SNX14: variants seen among roughly 807,000 people sequenced by gnomAD.
SNX14 encodes sorting nexin-14.
A neutral mutation model predicts 133.8 loss-of-function variants in SNX14; 93 were observed. The observed-to-expected ratio is 0.70, with a 90% CI of 0.59 to 0.83. SNX14 has a LOEUF of 0.83. Ranked by LOEUF, SNX14 falls within the 40% of genes least tolerant of loss-of-function variation. The pLI is 0.00. For missense variants in SNX14, 945 were observed against 1,094.9 expected (o/e 0.86, Z 1.93); for synonymous variants, 368 against 365.6 (o/e 1.01, Z -0.07).
At chr6:85,513,771 G>T in intron 26 of SNX14, 29 bp downstream of exon 26, 1 of 1,527,594 alleles carries the variant, frequency 6.5e-7, no homozygotes, top group East Asian at 2.3e-5. Flanking sequence ...TAATCTATAT[G>T]AAATTAAGTT....
chr6:85,559,531 T>C (rs1243115000), intron 6 of SNX14, among the ~76,000 whole-genome samples: 1 of 152,222 alleles, frequency 6.6e-6, no homozygotes, highest in Non-Finnish European at 1.5e-5. Flanking sequence ...ACTTCCAATT[T>C]ACATTATGCA....
At chr6:85,519,867 C>CA (rs1776243219) in intron 21 of SNX14, among the ~76,000 whole-genome samples, 2 of 151,232 alleles carry the variant, frequency 1.3e-5, no homozygotes, top group African/African-American at 2.4e-5. Context: ...GACTCCGTCT[C>CA]AAAAAACAAA....
At chr6:85,575,564 A>G (rs968045123) in intron 1 of SNX14, among the ~76,000 whole-genome samples, 1 of 152,226 alleles carries the variant, frequency 6.6e-6, no homozygotes, top group African/African-American at 2.4e-5. Flanking sequence ...TTGGCCCACA[A>G]ATATTAAAGA....
At chr6:85,571,201 A>G (rs1795435330) in intron 4 of SNX14, among the ~76,000 whole-genome samples, 1 of 151,906 alleles carries the variant, frequency 6.6e-6, no homozygotes, top group Non-Finnish European at 1.5e-5. Context: ...AAATGACAAA[A>G]GAAAAAAAAT....
At chr6:85,588,798 A>G (rs1472355124) in intron 1 of SNX14, 14 of 448,540 alleles carry the variant, frequency 3.1e-5, no homozygotes, top group Middle Eastern at 7.0e-4. Context: ...TATTCTTACA[A>G]TGATGTAAGC....
chr6:85,550,021 C>G, intron 7 of SNX14, 142 bp from the exon 8 acceptor site: 1 of 645,156 alleles, frequency 1.6e-6, no homozygotes. Context: ...CCGAGGCAGG[C>G]AAATCGCTTG....
intron 1 of SNX14, among the ~76,000 whole-genome samples, chr6:85,592,066 A>C (rs1268261272): frequency 6.6e-6 from 1 of 152,204 alleles, no homozygotes; most frequent in East Asian, 1.9e-4. Flanking sequence ...TTTCATACTA[A>C]ACCTGTTAGT....
At chr6:85,520,588 G>A (rs1776561648) in intron 21 of SNX14, among the ~76,000 whole-genome samples, 2 of 150,826 alleles carry the variant, frequency 1.3e-5, no homozygotes, top group East Asian at 2.0e-4. Context: ...GAACTTCTAA[G>A]TTCAAGTGAT....
At position 85,538,458 on chromosome 6, in the gene SNX14, T is replaced by C. The variant is rs533802699; in HGVS notation, c.1475+380A>G. Among the ~76,000 whole-genome samples the C allele has an allele frequency of 2.1e-3, 325 of 152,240 alleles. 1 individual carries two copies. Among genetic ancestry groups the C allele is most frequent in the Non-Finnish European group, 3.2e-3 (217 of 67,964 alleles). ...TAAAAACTCTCACTTATGATTATTA[T>C]GCCCAGAAATACAGAAACATCATAC... is the stretch of plus-strand genomic sequence containing the variant. On this transcript the variant is annotated intron_variant, in intron 16 of 28. Coordinates refer to ENST00000314673, the MANE Select transcript of SNX14 (RefSeq NM_153816.6).
chr6:85,538,133 C>T (rs1289522035), intron 16 of SNX14, among the ~76,000 whole-genome samples: 3 of 152,008 alleles, frequency 2.0e-5, no homozygotes, highest in Non-Finnish European at 4.4e-5. Context: ...TTCAAATACA[C>T]CAATATGTAG....
At chr6:85,590,015 T>G (rs1267673495) in intron 1 of SNX14, among the ~76,000 whole-genome samples, 1 of 152,218 alleles carries the variant, frequency 6.6e-6, no homozygotes, top group Admixed American at 6.5e-5. Context: ...GCTTCGATGT[T>G]GAACTCATGG....
chr6:85,542,824 T>C (rs1282626558), intron 14 of SNX14, among the ~76,000 whole-genome samples: 1 of 152,206 alleles, frequency 6.6e-6, no homozygotes, highest in African/African-American at 2.4e-5. Flanking sequence ...TGAGTTGTAG[T>C]GGTGTGATCT....
chr6:85,584,663 G>A (rs1488832275), intron 1 of SNX14, among the ~76,000 whole-genome samples: 2 of 152,082 alleles, frequency 1.3e-5, no homozygotes, highest in Non-Finnish European at 1.5e-5. Context: ...CATCATCACG[G>A]GTCATTAGAG....
intron 6 of SNX14, among the ~76,000 whole-genome samples, chr6:85,560,365 T>C (rs1791133386): frequency 6.6e-6 from 1 of 152,056 alleles, no homozygotes; most frequent in South Asian, 2.1e-4. Flanking sequence ...TTATGCTGAG[T>C]AAAAGAAACC....
intron 15 of SNX14, among the ~76,000 whole-genome samples, chr6:85,539,976 T>TTTTATTTTAC (rs1162122928): frequency 4.1e-5 from 6 of 147,074 alleles, no homozygotes; most frequent in African/African-American, 1.6e-4. Context: ...TTTTATTTTA[T>TTTTATTTTAC]TTTAATTGAG....
At chr6:85,517,205 T>C (rs1430094048) in intron 23 of SNX14, among the ~76,000 whole-genome samples, 2 of 152,194 alleles carry the variant, frequency 1.3e-5, no homozygotes, top group African/African-American at 4.8e-5. Flanking sequence ...ATATTAAAGA[T>C]ACCATTCAGA....
At chr6:85,564,688 A>C (rs1459074211) in intron 6 of SNX14, among the ~76,000 whole-genome samples, 1 of 152,126 alleles carries the variant, frequency 6.6e-6, no homozygotes, top group East Asian at 1.9e-4. Context: ...GGTATAGGAT[A>C]AAGTAAAAAT....
intron 26 of SNX14, among the ~76,000 whole-genome samples, chr6:85,512,400 T>C (rs1016730514): frequency 6.6e-6 from 1 of 151,966 alleles, no homozygotes; most frequent in African/African-American, 2.4e-5. Flanking sequence ...GGCGGGTGGA[T>C]CACCTGAGGT....
In SNX14 at chr6:85,526,326, C is replaced by A. The variant is rs1778470109; in HGVS notation, c.1996-89G>T. ...TTTTAATTTCTTTAAATTTTAAATC[C>A]CCAAAAGCTACTTTATATTTAAAAT... On this transcript the variant is annotated intron_variant, in intron 20 of 28. Transcript: ENST00000314673. 11 of 773,416 alleles carry A rather than the reference C, an allele frequency of 1.4e-5. No individual in the cohort carries two copies. In the South Asian group the frequency reaches 1.9e-4, roughly 13 times the overall value. The allele number at this position is 773,416 out of a possible 1,614,324, so 47.9% of individuals were successfully genotyped here.
Sources: allele counts gnomAD v4.1 joint callset (sites outside exome capture counted in the v4.1 genomes callset), GRCh38; gene constraint gnomAD v4.1.1; transcripts MANE v1.5; gene names NCBI Gene and HGNC (gene_info 2026-07-23, HGNC 2026-07-21).